ANKRD12: variants seen among roughly 807,000 people sequenced by gnomAD.
ANKRD12 encodes ankyrin repeat domain-containing protein 12.
In ANKRD12, 85 loss-of-function variants were observed where a neutral mutation model predicts 183.4. That is an observed-to-expected ratio of 0.46 (90% CI 0.39 to 0.56). ANKRD12 has a LOEUF of 0.56. ANKRD12 is among the 20% of genes least tolerant of loss of function. The pLI, the probability that ANKRD12 is intolerant of heterozygous loss-of-function variation, is 0.00. For missense variants in ANKRD12, 2,405 were observed against 2,357.1 expected (o/e 1.02, Z -0.42); for synonymous variants, 914 against 800.2 (o/e 1.14, Z -2.40).
rs764387998 is a variant in ANKRD12, at chr18:9,282,794, T to C, written c.*1668T>C. ...CATATTAAGCTTAGGGATTTTTGAA[T>C]TTTTACGTCAGTTTATATTTTAATT... On this transcript the variant is annotated 3_prime_UTR_variant, in exon 13 of 13. Transcript: ENST00000262126. 3 of 152,596 alleles carry C rather than the reference T, an allele frequency of 2.0e-5. No individual in the cohort carries two copies. Among genetic ancestry groups the C allele is most frequent in the Non-Finnish European group, 4.4e-5 (3 of 67,982 alleles). 9.5% of individuals were successfully genotyped at this position (152,596 alleles called of 1,614,324 possible). A position where few individuals can be genotyped will look rare whatever the true frequency, so the allele number is the denominator to read the frequency against.
rs192329544 is a variant in ANKRD12, at chr18:9,202,381, G to T, written c.236-2095G>T. Among the ~76,000 whole-genome samples the T allele has an allele frequency of 4.1e-4, 62 of 152,096 alleles. 1 individual carries two copies. Among genetic ancestry groups the T allele is most frequent in the Admixed American group, 3.9e-3 (60 of 15,274 alleles). Reference sequence around the variant, plus strand: ...AAAACAGATAGATATAATTTTTCTGGGAACTATATTAAAATAGATAAAATT... The same window carrying T: ...AAAACAGATAGATATAATTTTTCTGTGAACTATATTAAAATAGATAAAATT... On this transcript the variant is annotated intron_variant, in intron 3 of 12. Transcript: ENST00000262126.
chr18:9,157,920 G>T lies in ANKRD12; in HGVS notation c.-52+20955G>T, dbSNP rs1244175724. On this transcript the variant is annotated intron_variant, in intron 1 of 12. Transcript: ENST00000262126. ...AGGTTTTTAATCATGAGAAGTCAAA[G>T]AACTTAAGTGGTCAAACTGAGATGG... is the stretch of plus-strand genomic sequence containing the variant. 2.6e-5 allele frequency among the ~76,000 whole-genome samples: 4 copies of T among 152,084 alleles called. No homozygotes were observed. In the East Asian group the frequency reaches 5.8e-4, roughly 22 times the overall value.
intron 1 of ANKRD12, among the ~76,000 whole-genome samples, chr18:9,175,825 G>A (rs1181453004): frequency 6.6e-6 from 1 of 152,036 alleles, no homozygotes; most frequent in African/African-American, 2.4e-5. Context: ...ACCACATTCA[G>A]CCAAAACCTC....
intron 1 of ANKRD12, among the ~76,000 whole-genome samples, chr18:9,176,773 G>C (rs954124315): frequency 1.3e-5 from 2 of 152,106 alleles, no homozygotes; most frequent in Admixed American, 6.5e-5. Flanking sequence ...AGAAATAGCA[G>C]TGGTGTTAAA....
chr18:9,177,433 A>ATT (rs35996055), intron 1 of ANKRD12, among the ~76,000 whole-genome samples: 118,240 of 151,780 alleles, frequency 0.78, 46,273 homozygotes, highest in Middle Eastern at 0.88. Flanking sequence ...TTATTTTAAA[A>ATT]TTAATCGTTT....
chr18:9,245,436 G>T (rs919404092), intron 8 of ANKRD12, among the ~76,000 whole-genome samples: 5 of 151,994 alleles, frequency 3.3e-5, no homozygotes, highest in Admixed American at 2.0e-4. Flanking sequence ...CTCCAGCTGG[G>T]GCTACAGAGC....
At chr18:9,264,883 G>A (rs1470473027) in intron 10 of ANKRD12, among the ~76,000 whole-genome samples, 2 of 152,234 alleles carry the variant, frequency 1.3e-5, no homozygotes, top group African/African-American at 4.8e-5. Flanking sequence ...TGGCCGAATA[G>A]GAACAGCTCC....
intron 3 of ANKRD12, among the ~76,000 whole-genome samples, chr18:9,197,489 C>A (rs2034906436): frequency 1.3e-5 from 2 of 152,218 alleles, no homozygotes; most frequent in South Asian, 4.1e-4. Flanking sequence ...ATCTGTGTAT[C>A]TTTTGACTTC....
chr18:9,257,766 C>G lies in ANKRD12; in HGVS notation c.4499C>G (p.Ser1500Ter). The stretch of plus-strand genomic sequence containing the variant: ...TGCTCTTTCCCCAGCCAATCACTTT[C>G]AGATGCTGAATCGATTTCTAAACAT... The part of the protein sequence containing the change: ...QPCSFPSQSL[S>*]DAESISKHMS... Residue 1500 changes from serine (S) to a stop codon, truncating the protein, a stop_gained, in exon 9 of 13, where the codon TCA (serine) becomes TGA (stop). Coordinates refer to ENST00000262126, the MANE Select transcript of ANKRD12 (RefSeq NM_015208.5). LOFTEE classifies it high-confidence loss of function. The G allele has an allele frequency of 6.2e-7, 1 of 1,614,080 alleles. No individual in the cohort carries two copies. The highest frequency in any genetic ancestry group is 8.5e-7 in the Non-Finnish European group (1 of 1,180,000).
intron 11 of ANKRD12, among the ~76,000 whole-genome samples, chr18:9,275,970 C>T (rs2039814571): frequency 6.6e-6 from 1 of 152,172 alleles, no homozygotes; most frequent in Non-Finnish European, 1.5e-5. Context: ...TTAGTTCTGA[C>T]CTTCAGGCAG....
intron 3 of ANKRD12, among the ~76,000 whole-genome samples, chr18:9,202,963 T>TTA (rs2144528775): frequency 6.6e-6 from 1 of 152,356 alleles, no homozygotes; most frequent in African/African-American, 2.4e-5. Context: ...AATTGAAAGC[T>TTA]TAGTTTATTC....
At chr18:9,278,856 G>T (rs1234026446) in intron 11 of ANKRD12, among the ~76,000 whole-genome samples, 1 of 152,088 alleles carries the variant, frequency 6.6e-6, no homozygotes, top group East Asian at 1.9e-4. Flanking sequence ...ACTGGTAGTG[G>T]TAGTAATGGA....
intron 8 of ANKRD12, among the ~76,000 whole-genome samples, chr18:9,245,983 G>C (rs73394160): frequency 1.2e-3 from 185 of 152,264 alleles, no homozygotes; most frequent in African/African-American, 4.3e-3. Flanking sequence ...ATGTAACTCT[G>C]CCACTTACTA....
rs1555707774 is a variant in ANKRD12, at chr18:9,157,550, G to GGTGTGTATGT, written c.-52+20591_-52+20592insATGTGTGTGT. Reference sequence around the variant, plus strand: ...AATGGTAAATTTTATGGTGTGTGTGGGTGTGTGTGTGTGTGTGTGTGTGTG... The same window carrying GGTGTGTATGT: ...AATGGTAAATTTTATGGTGTGTGTGGGTGTGTATGTGTGTGTGTGTGTGTGTGTGTGTGTG... On this transcript the variant is annotated intron_variant, in intron 1 of 12. Transcript: ENST00000262126. Among the ~76,000 whole-genome samples, 104 of 114,588 alleles carry GGTGTGTATGT rather than the reference G, an allele frequency of 9.1e-4. 3 individuals are homozygous for GGTGTGTATGT. Among genetic ancestry groups the GGTGTGTATGT allele is most frequent in the African/African-American group, 4.0e-3 (99 of 25,042 alleles). The allele number at this position is 114,588 out of a possible 152,430, so 75.2% of individuals were successfully genotyped here. A position where few individuals can be genotyped will look rare whatever the true frequency, so the allele number is the denominator to read the frequency against.
chr18:9,230,067 T>C (rs1372833113), intron 8 of ANKRD12, among the ~76,000 whole-genome samples: 2 of 152,192 alleles, frequency 1.3e-5, no homozygotes, highest in Non-Finnish European at 1.5e-5. Flanking sequence ...TGTACTAATT[T>C]GTAATTCTTT....
Position 9,211,561 on chromosome 18 carries a change from GCTAA to G in ANKRD12, c.452-20_452-17del, listed in dbSNP as rs2035806180. On this transcript the variant is annotated intron_variant, in intron 5 of 12. Transcript: ENST00000262126. ...ACAGAATATTTAGCCTAGAACTTCTGCTAACTTTCTTCTTTCTTACAGATTCCAC... is the reference window on the plus strand; with the variant it reads ...ACAGAATATTTAGCCTAGAACTTCTGCTTTCTTCTTTCTTACAGATTCCAC... 1.2e-6 allele frequency: 2 copies of G among 1,603,776 alleles called. No homozygotes were observed. Among genetic ancestry groups the G allele is most frequent in the African/African-American group, 1.3e-5 (1 of 74,570 alleles).
chr18:9,182,381 G>T lies in ANKRD12; in HGVS notation c.-51-1G>T. Reference sequence around the variant, plus strand: ...AACCCTTATATATCTATTCTTTACAGATCCAGGATGAGAAGACTGATAAAA... The same window carrying T: ...AACCCTTATATATCTATTCTTTACATATCCAGGATGAGAAGACTGATAAAA... On this transcript the variant is annotated splice_acceptor_variant, in intron 1 of 12. Coordinates refer to ENST00000262126, the MANE Select transcript of ANKRD12 (RefSeq NM_015208.5). LOFTEE classifies it low-confidence loss of function (5UTR_SPLICE). 1 of 1,234,170 alleles carries T rather than the reference G, an allele frequency of 8.1e-7. No homozygotes were observed. The highest frequency in any genetic ancestry group is 1.2e-6 in the Non-Finnish European group (1 of 854,288). The allele number at this position is 1,234,170 out of a possible 1,614,324, so 76.5% of individuals were successfully genotyped here. A position where few individuals can be genotyped will look rare whatever the true frequency, so the allele number is the denominator to read the frequency against.
intron 1 of ANKRD12, among the ~76,000 whole-genome samples, chr18:9,173,353 G>A (rs899395749): frequency 2.0e-5 from 3 of 152,156 alleles, no homozygotes; most frequent in Admixed American, 2.0e-4. Flanking sequence ...ACAGGCATGA[G>A]CCACCACGCC....
chr18:9,137,472 G>A (rs1169209337), intron 1 of ANKRD12: 2 of 146,288 alleles, frequency 1.4e-5, no homozygotes, highest in African/African-American at 4.9e-5. Flanking sequence ...GGCGTGCGGC[G>A]GTCGGACCCG....
Sources: allele counts gnomAD v4.1 joint callset (sites outside exome capture counted in the v4.1 genomes callset), GRCh38; gene constraint gnomAD v4.1.1; transcripts MANE v1.5; gene names NCBI Gene and HGNC (gene_info 2026-07-23, HGNC 2026-07-21).